SMG6: variants seen among roughly 807,000 people sequenced by gnomAD.
SMG6 encodes the protein SMG6 nonsense mediated mRNA decay factor, also known as telomerase-binding protein EST1A.
SMG6 carries 66 observed loss-of-function variants against 142.2 expected under a neutral mutation model. That is an observed-to-expected ratio of 0.46 (90% CI 0.38 to 0.57). The LOEUF is 0.57. Among genes scored for constraint, SMG6 ranks in the 20% least tolerant of loss-of-function variants. The pLI is 0.00. For synonymous variants in SMG6, 779 were observed against 702.4 expected, an observed-to-expected ratio of 1.11 and a Z score of -1.72; for missense variants, 1,793 against 1,832.0, an observed-to-expected ratio of 0.98 and a Z score of 0.39.
intron 8 of SMG6, among the ~76,000 whole-genome samples, chr17:2,250,157 A>C (rs538649016): frequency 4.6e-5 from 7 of 152,350 alleles, no homozygotes; most frequent in Non-Finnish European, 8.8e-5. Context: ...GAAGCTGCTC[A>C]GAGGCAACAA....
Position 2,068,929 on chromosome 17 carries a change from A to G in SMG6, c.3684T>C (p.Ala1228=), listed in dbSNP as rs140008210. The G allele has an allele frequency of 6.2e-7, 1 of 1,614,002 alleles. No homozygotes were observed. The highest frequency in any genetic ancestry group is 1.3e-5 in the African/African-American group (1 of 74,940). ...EQQRRQEKIQ[A]VLEDHSQMRQ... ...TCATCTGACTGTGGTCCTCCAGGACAGCCTATGGGGACAGAGTGGTGAATG... is the reference window on the plus strand; with the variant it reads ...TCATCTGACTGTGGTCCTCCAGGACGGCCTATGGGGACAGAGTGGTGAATG... The change falls in exon 16 of 19, where the codon GCT becomes GCC. Residue 1228 remains alanine (A), a splice_region_variant and synonymous_variant. Coordinates refer to ENST00000263073, the MANE Select transcript of SMG6 (RefSeq NM_017575.5). The surrounding 1 kb of genome is among the most constrained non-coding windows in gnomAD (Gnocchi z 6.7).
rs148307845 is a variant in SMG6 at position 2,273,989 on chromosome 17, T to C, written c.2661+8658A>G. On this transcript the variant is annotated intron_variant, in intron 8 of 18. Coordinates refer to ENST00000263073, the MANE Select transcript of SMG6 (RefSeq NM_017575.5). ...CCACAAATAACAAGAATCAACTGTTTACTGTATTCTATTTATGTAACCATT... is the reference window on the plus strand; with the variant it reads ...CCACAAATAACAAGAATCAACTGTTCACTGTATTCTATTTATGTAACCATT... Among the ~76,000 whole-genome samples the C allele has an allele frequency of 5.4e-3, 829 of 152,366 alleles. 9 individuals carry two copies. Among genetic ancestry groups the C allele is most frequent in the African/African-American group, 0.017 (715 of 41,580 alleles).
intron 10 of SMG6, among the ~76,000 whole-genome samples, chr17:2,210,233 C>G (rs989883958): frequency 6.6e-6 from 1 of 152,028 alleles, no homozygotes; most frequent in East Asian, 1.9e-4. Context: ...CAGTCTGCTT[C>G]CTGGGGGGAA....
At chr17:2,145,823 C>T (rs1026012136) in intron 13 of SMG6, among the ~76,000 whole-genome samples, 1 of 151,954 alleles carries the variant, frequency 6.6e-6, no homozygotes, top group Admixed American at 6.6e-5. Context: ...CTGTTGGTAA[C>T]TGGAATAGTT....
chr17:2,117,704 C>G (rs1283759224), intron 13 of SMG6: 1 of 152,154 alleles, frequency 6.6e-6, no homozygotes, highest in Non-Finnish European at 1.5e-5. Flanking sequence ...TTTCTCAAAA[C>G]TGATACGTAA....
chr17:2,236,860 C>T, intron 9 of SMG6: 1 of 1,231,086 alleles, frequency 8.1e-7, no homozygotes, highest in Non-Finnish European at 1.0e-6. Context: ...TCCAGAGATG[C>T]AAACAACTCA....
chr17:2,199,648 G>A (rs1178572591), intron 10 of SMG6: 2 of 151,904 alleles, frequency 1.3e-5, no homozygotes, highest in South Asian at 2.1e-4. Flanking sequence ...GCTCACACCT[G>A]TAATCCCAGC....
chr17:2,214,596 GAC>G (rs2072960420), intron 10 of SMG6, among the ~76,000 whole-genome samples: 1 of 152,186 alleles, frequency 6.6e-6, no homozygotes, highest in Non-Finnish European at 1.5e-5. Flanking sequence ...AGTCAACGCT[GAC>G]ACACTCATTT....
intron 13 of SMG6, among the ~76,000 whole-genome samples, chr17:2,118,896 GCTT>G (rs966597560): frequency 7.5e-5 from 8 of 106,094 alleles, no homozygotes; most frequent in Non-Finnish European, 1.3e-4. Flanking sequence ...GCTCAATGTA[GCTT>G]TTTTTTTTTT....
chr17:2,077,476 G>C (rs2068292604), intron 15 of SMG6, among the ~76,000 whole-genome samples: 1 of 152,178 alleles, frequency 6.6e-6, no homozygotes, highest in Non-Finnish European at 1.5e-5. Context: ...AGCAGAAAAA[G>C]GGCACTCTGC....
chr17:2,302,663 G>C (rs756038368), intron 1 of SMG6, among the ~76,000 whole-genome samples: 9 of 152,232 alleles, frequency 5.9e-5, no homozygotes, highest in Admixed American at 2.6e-4. Context: ...GTTTGTAGGT[G>C]TAAGGAAAAG....
At chr17:2,294,626 G>C (rs150950360) in intron 4 of SMG6, among the ~76,000 whole-genome samples, 1 of 151,996 alleles carries the variant, frequency 6.6e-6, no homozygotes, top group Non-Finnish European at 1.5e-5. Context: ...TGAAGCTTTC[G>C]GCCTTCAGCG....
At chr17:2,191,310 G>A (rs1195046777) in intron 10 of SMG6, among the ~76,000 whole-genome samples, 1 of 152,194 alleles carries the variant, frequency 6.6e-6, no homozygotes, top group African/African-American at 2.4e-5. Flanking sequence ...ACACAAGTGG[G>A]TAGGAAAACA....
chr17:2,127,067 A>G (rs1244098171), intron 13 of SMG6, among the ~76,000 whole-genome samples: 1 of 141,052 alleles, frequency 7.1e-6, no homozygotes, highest in Non-Finnish European at 1.5e-5. Flanking sequence ...TGGGCTTGGG[A>G]GTTCGAGGCT....
intron 13 of SMG6, among the ~76,000 whole-genome samples, chr17:2,168,402 C>T (rs1439011749): frequency 1.3e-5 from 2 of 152,016 alleles, no homozygotes; most frequent in African/African-American, 2.4e-5. Flanking sequence ...AAGCTGGTCT[C>T]GAACTCCTAG....
rs903007543 is a variant in SMG6, at chr17:2,130,266, C to CAA, written c.3357+42390_3357+42391dup. ...TGGGCGACAGAGCGAGACTCCGTCT[C>CAA]AAAAAAAAAAAAAAAAAAGAAACAG... On this transcript the variant is annotated intron_variant, in intron 13 of 18. Transcript: ENST00000263073. Among the ~76,000 whole-genome samples, 44 of 39,516 alleles carry CAA rather than the reference C, an allele frequency of 1.1e-3. 7 individuals are homozygous for CAA. The highest frequency in any genetic ancestry group is 8.8e-3 in the South Asian group (8 of 914). 25.9% of individuals were successfully genotyped at this position (39,516 alleles called of 152,430 possible).
At chr17:2,070,679 G>A (rs555665972) in intron 15 of SMG6, among the ~76,000 whole-genome samples, 80 of 152,328 alleles carry the variant, frequency 5.3e-4, no homozygotes, top group African/African-American at 1.9e-3. Context: ...CACCACAGCT[G>A]GTAAAGGCAC....
intron 13 of SMG6, among the ~76,000 whole-genome samples, chr17:2,168,059 G>C (rs527672335): frequency 6.6e-6 from 1 of 152,150 alleles, no homozygotes; most frequent in African/African-American, 2.4e-5. Flanking sequence ...GTAGGGACAA[G>C]GCCTCACTAT....
At chr17:2,161,057 T>C (rs544236666) in intron 13 of SMG6, among the ~76,000 whole-genome samples, 7 of 151,496 alleles carry the variant, frequency 4.6e-5, no homozygotes, top group South Asian at 4.2e-4. Context: ...TGTATGTAGG[T>C]AGGTAGGTAG....
Sources: allele counts gnomAD v4.1 joint callset (sites outside exome capture counted in the v4.1 genomes callset), GRCh38; gene constraint gnomAD v4.1.1; non-coding constraint Gnocchi (gnomAD v3.1); transcripts MANE v1.5; gene names NCBI Gene and HGNC (gene_info 2026-07-23, HGNC 2026-07-21).